Variants in ELAVL2 observed in about 807,000 individuals in gnomAD.
ELAVL2 encodes ELAV-like protein 2.
In ELAVL2, 4 loss-of-function variants were observed where a neutral mutation model predicts 34.6. The observed-to-expected ratio is 0.12, with a 90% CI of 0.06 to 0.26. The LOEUF (loss-of-function observed/expected upper bound fraction) is 0.26. ELAVL2 is among the 10% of genes least tolerant of loss of function. The pLI, the probability that ELAVL2 is intolerant of heterozygous loss-of-function variation, is 1.00. For synonymous variants in ELAVL2, 193 were observed against 154.8 expected (o/e 1.25, Z -1.83); for missense variants, 432 against 442.8 (o/e 0.98, Z 0.22).
intron 1 of ELAVL2, among the ~76,000 whole-genome samples, chr9:23,795,806 CT>C (rs530356668): frequency 1.1e-4 from 17 of 152,268 alleles, no homozygotes; most frequent in Middle Eastern, 3.4e-3. Flanking sequence ...AATGTGTCTC[CT>C]CCCTGAAAGT....
At chr9:23,718,622 G>T (rs11791221) in intron 3 of ELAVL2, among the ~76,000 whole-genome samples, 22,749 of 152,110 alleles carry the variant, frequency 0.15, 2,222 homozygotes, top group South Asian at 0.34. Context: ...GTTATTAAAA[G>T]CCCTCCCCAC....
At chr9:23,745,795 T>A (rs2050341738) in intron 2 of ELAVL2, among the ~76,000 whole-genome samples, 1 of 152,184 alleles carries the variant, frequency 6.6e-6, no homozygotes, top group Non-Finnish European at 1.5e-5. Flanking sequence ...AAATCTGTTT[T>A]ACCACAAGAT....
intron 1 of ELAVL2, among the ~76,000 whole-genome samples, chr9:23,814,461 C>G (rs1345477711): frequency 6.6e-6 from 1 of 152,110 alleles, no homozygotes; most frequent in Admixed American, 6.5e-5. Context: ...GTGGGTAGTT[C>G]AAATTCCTTG....
chr9:23,695,507 C>T (rs76359057), intron 5 of ELAVL2, among the ~76,000 whole-genome samples: 1 of 152,120 alleles, frequency 6.6e-6, no homozygotes, highest in Non-Finnish European at 1.5e-5. Flanking sequence ...TACCGTCAGG[C>T]CTTTTTTAAC....
At chr9:23,708,262 C>G (rs937755023) in intron 3 of ELAVL2, among the ~76,000 whole-genome samples, 1 of 152,156 alleles carries the variant, frequency 6.6e-6, no homozygotes, top group Non-Finnish European at 1.5e-5. Flanking sequence ...ACATTTAGGG[C>G]ATTATGAGAC....
At chr9:23,723,446 G>A (rs918667339) in intron 3 of ELAVL2, among the ~76,000 whole-genome samples, 1 of 152,072 alleles carries the variant, frequency 6.6e-6, no homozygotes, top group Non-Finnish European at 1.5e-5. Context: ...GATAGCATTA[G>A]GAGATATACC....
chr9:23,829,110 A>T (rs1003355192), upstream of ELAVL2, among the ~76,000 whole-genome samples: 2 of 152,240 alleles, frequency 1.3e-5, no homozygotes, highest in Admixed American at 6.5e-5. Context: ...TGATTAAGTT[A>T]TATGAACTCT....
intron 2 of ELAVL2, among the ~76,000 whole-genome samples, chr9:23,742,879 T>C (rs984073618): frequency 2.0e-5 from 3 of 152,146 alleles, no homozygotes; most frequent in Non-Finnish European, 2.9e-5. Flanking sequence ...AAACTTAAAA[T>C]AGTCACACAC....
intron 5 of ELAVL2, among the ~76,000 whole-genome samples, chr9:23,697,724 T>C (rs1451708512): frequency 6.6e-6 from 1 of 152,170 alleles, no homozygotes; most frequent in African/African-American, 2.4e-5. Flanking sequence ...ACCTGCCTAA[T>C]TTCTAAAAAA....
intron 3 of ELAVL2, among the ~76,000 whole-genome samples, chr9:23,730,578 C>T (rs938128608): frequency 1.2e-4 from 18 of 152,194 alleles, no homozygotes; most frequent in African/African-American, 4.1e-4. Flanking sequence ...TATTGGATAA[C>T]GGCTGCATCC....
At chr9:23,759,871 C>T (rs959381667) in intron 2 of ELAVL2, among the ~76,000 whole-genome samples, 1 of 148,110 alleles carries the variant, frequency 6.8e-6, no homozygotes, top group Non-Finnish European at 1.5e-5. Context: ...ACTCTACTTG[C>T]TTACCAAATA....
intron 1 of ELAVL2, among the ~76,000 whole-genome samples, chr9:23,775,263 C>T (rs2058008830): frequency 6.6e-6 from 1 of 152,150 alleles, no homozygotes. Flanking sequence ...CTTATTTAAT[C>T]CTCTTGTGGA....
chr9:23,702,952 A>C lies in ELAVL2; in HGVS notation c.488-1348T>G, dbSNP rs866986039. ...TCCATTAGAAAAGCATCAGATTAGC[A>C]AAAAAAAAAAAAAAAAAAAAAAAAA... On this transcript the variant is annotated intron_variant, in intron 4 of 6. Coordinates refer to ENST00000397312, the MANE Select transcript of ELAVL2 (RefSeq NM_004432.5). Among the ~76,000 whole-genome samples the C allele has an allele frequency of 7.5e-3, 228 of 30,400 alleles. 4 individuals are homozygous for C. Among genetic ancestry groups the C allele is most frequent in the African/African-American group, 0.072 (214 of 2,954 alleles). 19.9% of individuals were successfully genotyped at this position (30,400 alleles called of 152,430 possible). A position where few individuals can be genotyped will look rare whatever the true frequency, so the allele number is the denominator to read the frequency against.
the ELAVL2 span, among the ~76,000 whole-genome samples, chr9:23,832,676 CA>C: frequency 6.6e-6 from 1 of 152,196 alleles, no homozygotes; most frequent in Non-Finnish European, 1.5e-5. Flanking sequence ...GTCTTAGAAA[CA>C]TTTATAAAAA....
intron 1 of ELAVL2, among the ~76,000 whole-genome samples, chr9:23,764,811 T>C (rs765380260): frequency 6.6e-6 from 1 of 152,132 alleles, no homozygotes; most frequent in Non-Finnish European, 1.5e-5. Context: ...TACGAGAGCA[T>C]GGTTCTGATG....
chr9:23,816,672 T>C (rs2138342372), intron 1 of ELAVL2, among the ~76,000 whole-genome samples: 1 of 152,278 alleles, frequency 6.6e-6, no homozygotes, highest in Non-Finnish European at 1.5e-5. Context: ...TTTTGAATTT[T>C]GATCCTTTCC....
At chr9:23,718,233 G>A (rs1205732663) in intron 3 of ELAVL2, among the ~76,000 whole-genome samples, 1 of 152,100 alleles carries the variant, frequency 6.6e-6, no homozygotes, top group Non-Finnish European at 1.5e-5. Context: ...CTTAAAGGAT[G>A]TTTTATGTCA....
At chr9:23,818,290 C>T (rs1047843595) in intron 1 of ELAVL2, among the ~76,000 whole-genome samples, 2 of 152,120 alleles carry the variant, frequency 1.3e-5, no homozygotes, top group Non-Finnish European at 2.9e-5. Flanking sequence ...TAAATACTAA[C>T]AAGTGGGAAG....
chr9:23,698,677 C>T (rs1213197689), intron 5 of ELAVL2, among the ~76,000 whole-genome samples: 1 of 142,456 alleles, frequency 7.0e-6, no homozygotes, highest in Non-Finnish European at 1.6e-5. Context: ...TAGACTCGAA[C>T]TACAGAAAAC....
Sources: gnomAD v4.1 joint callset for allele counts (sites outside exome capture counted in the v4.1 genomes callset) on GRCh38, gnomAD v4.1.1 for gene constraint, MANE v1.5 for transcripts, NCBI Gene and HGNC (gene_info 2026-07-23, HGNC 2026-07-21) for gene names.